The following RTN4RL1 variants were observed in gnomAD, a reference collection of about 807,000 sequenced individuals.
RTN4RL1 encodes reticulon-4 receptor-like 1.
Under a neutral mutation model 25.6 loss-of-function variants are expected in RTN4RL1, and 7 were observed. The observed-to-expected ratio is 0.27, with a 90% confidence interval of 0.16 to 0.51. The LOEUF (loss-of-function observed/expected upper bound fraction) is 0.51, where lower values mean the gene tolerates loss of function less well. RTN4RL1 is among the 20% of genes least tolerant of loss of function. The pLI is 0.97. For synonymous variants in RTN4RL1, 297 were observed against 288.2 expected (o/e 1.03, Z -0.31); for missense variants, 500 against 615.6 (o/e 0.81, Z 1.99).
At chr17:1,991,890 G>A (rs531027448) in intron 1 of RTN4RL1, among the ~76,000 whole-genome samples, 2 of 152,260 alleles carry the variant, frequency 1.3e-5, no homozygotes, top group African/African-American at 2.4e-5. Flanking sequence ...CCTGGAAGTG[G>A]AATTGCTCTA....
chr17:1,946,943 T>C (rs542986371), intron 1 of RTN4RL1, among the ~76,000 whole-genome samples: 5 of 151,338 alleles, frequency 3.3e-5, no homozygotes, highest in African/African-American at 9.7e-5. Flanking sequence ...TGTGAATGTG[T>C]GTGTGCACGG....
In RTN4RL1 at chr17:1,936,072, G is replaced by A. The variant is rs1915296612; in HGVS notation, c.*424C>T. ...CTGCTGGCCACCCAGCCTCGTGGGT[G>A]AGCCTCATTTGTTCTTCTCTGCGTC... is the stretch of plus-strand genomic sequence containing the variant. On this transcript the variant is annotated 3_prime_UTR_variant, in exon 2 of 2. Coordinates refer to ENST00000331238, the MANE Select transcript of RTN4RL1 (RefSeq NM_178568.4). The A allele has an allele frequency of 7.0e-6, 7 of 999,392 alleles. No homozygotes were observed. The highest frequency in any genetic ancestry group is 8.3e-6 in the Non-Finnish European group (7 of 839,096). The allele number at this position is 999,392 out of a possible 1,614,324, so 61.9% of individuals were successfully genotyped here.
intron 1 of RTN4RL1, among the ~76,000 whole-genome samples, chr17:1,959,668 G>A (rs1915858475): frequency 6.6e-6 from 1 of 152,098 alleles, no homozygotes; most frequent in African/African-American, 2.4e-5. Context: ...ATGTTCAAAC[G>A]ATTCTCACAC....
chr17:1,966,364 T>C (rs901052311), intron 1 of RTN4RL1, among the ~76,000 whole-genome samples: 29 of 152,058 alleles, frequency 1.9e-4, no homozygotes, highest in Admixed American at 1.4e-3. Flanking sequence ...CTGGAACTAA[T>C]AGAACTCAGC....
At chr17:1,951,057 A>G (rs2151307282) in intron 1 of RTN4RL1, among the ~76,000 whole-genome samples, 1 of 151,950 alleles carries the variant, frequency 6.6e-6, no homozygotes, top group South Asian at 2.1e-4. Context: ...CGAGGTCAGG[A>G]GATCGAGACC....
chr17:2,010,858 A>C (rs2151326006), intron 1 of RTN4RL1, among the ~76,000 whole-genome samples: 1 of 152,296 alleles, frequency 6.6e-6, no homozygotes, highest in South Asian at 2.1e-4. Context: ...AAGTGTTGGG[A>C]TCACAGGTGT....
chr17:1,965,077 G>A (rs2066784433), intron 1 of RTN4RL1, among the ~76,000 whole-genome samples: 1 of 149,422 alleles, frequency 6.7e-6, no homozygotes, highest in Non-Finnish European at 1.5e-5. Flanking sequence ...GTGAGCCACC[G>A]CGCCTGGCTT....
intron 1 of RTN4RL1, among the ~76,000 whole-genome samples, chr17:1,980,928 A>AAAAAAAAAAAAAG (rs2066864677): frequency 8.3e-6 from 1 of 120,058 alleles, no homozygotes; most frequent in South Asian, 2.3e-4. Flanking sequence ...TTCTATCTCA[A>AAAAAAAAAAAAAG]AAAAAAAAAA....
At chr17:1,943,219 C>T (rs1307068062) in intron 1 of RTN4RL1, among the ~76,000 whole-genome samples, 2 of 152,270 alleles carry the variant, frequency 1.3e-5, no homozygotes, top group Non-Finnish European at 2.9e-5. Flanking sequence ...AAGGCACCGG[C>T]CACGGCACAT....
intron 1 of RTN4RL1, among the ~76,000 whole-genome samples, chr17:1,939,083 T>C (rs1331422184): frequency 3.3e-5 from 5 of 151,174 alleles, no homozygotes; most frequent in East Asian, 3.9e-4. Flanking sequence ...CCGGGAGCAG[T>C]GGCTCACACC....
rs1438112610 is a variant in RTN4RL1, at chr17:1,936,350, A to G, written c.*146T>C. On this transcript the variant is annotated 3_prime_UTR_variant, in exon 2 of 2. Coordinates refer to ENST00000331238, the MANE Select transcript of RTN4RL1 (RefSeq NM_178568.4). ...ACTTTGGGTTTATAATCCACATGGC[A>G]GGGTCCAGACGTCCAGACAGCAGCC... 1.4e-6 allele frequency: 2 copies of G among 1,429,614 alleles called. No individual in the cohort carries two copies. Among genetic ancestry groups the G allele is most frequent in the Non-Finnish European group, 9.1e-7 (1 of 1,098,034 alleles). The allele number at this position is 1,429,614 out of a possible 1,614,324, so 88.6% of individuals were successfully genotyped here.
intron 1 of RTN4RL1, among the ~76,000 whole-genome samples, chr17:1,973,494 G>A (rs2066829361): frequency 6.6e-6 from 1 of 150,734 alleles, no homozygotes; most frequent in South Asian, 2.1e-4. Context: ...CTCCAGCGTG[G>A]GCAACAGAAC....
Position 1,935,829 on chromosome 17 carries a change from G to A in RTN4RL1, c.*667C>T, listed in dbSNP as rs1915291605. The A allele has an allele frequency of 2.0e-6, 2 of 983,684 alleles. No homozygotes were observed. Among genetic ancestry groups the A allele is most frequent in the Non-Finnish European group, 2.4e-6 (2 of 829,366 alleles). The allele number at this position is 983,684 out of a possible 1,614,324, so 60.9% of individuals were successfully genotyped here. ...CTTCTGTGAGAACCTCATTGCCCGG[G>A]ATGAAGTTCTAGATTTCAGCCTCTG... is the stretch of plus-strand genomic sequence containing the variant. On this transcript the variant is annotated 3_prime_UTR_variant, in exon 2 of 2. Transcript: ENST00000331238.
chr17:1,957,566 T>C (rs1244686140), intron 1 of RTN4RL1, among the ~76,000 whole-genome samples: 1 of 151,958 alleles, frequency 6.6e-6, no homozygotes, highest in Non-Finnish European at 1.5e-5. Context: ...CAGGGCCGGG[T>C]GCAGTGGCTC....
intron 1 of RTN4RL1, among the ~76,000 whole-genome samples, chr17:1,967,300 T>G (rs1187969029): frequency 6.6e-6 from 1 of 152,208 alleles, no homozygotes; most frequent in Admixed American, 6.5e-5. Flanking sequence ...CAGCTCCACC[T>G]GCAGCATGGA....
At chr17:1,988,460 T>C (rs2066896170) in intron 1 of RTN4RL1, among the ~76,000 whole-genome samples, 1 of 147,320 alleles carries the variant, frequency 6.8e-6, no homozygotes, top group South Asian at 2.1e-4. Context: ...TTCAGTATTT[T>C]GTATTTACTG....
chr17:1,954,635 G>A (rs1335621428), intron 1 of RTN4RL1, among the ~76,000 whole-genome samples: 2 of 152,064 alleles, frequency 1.3e-5, no homozygotes, highest in Admixed American at 6.6e-5. Context: ...TGATCCACCC[G>A]CCTCGGCCTC....
chr17:1,955,113 C>T (rs1428052938), intron 1 of RTN4RL1, among the ~76,000 whole-genome samples: 1 of 152,154 alleles, frequency 6.6e-6, no homozygotes, highest in East Asian at 1.9e-4. Flanking sequence ...TACCTCTCAC[C>T]AGCCACGAGC....
intron 1 of RTN4RL1, among the ~76,000 whole-genome samples, chr17:1,956,429 TG>T (rs1915794783): frequency 3.3e-5 from 1 of 30,368 alleles, no homozygotes; most frequent in Admixed American, 3.5e-4. Context: ...AGGACTCAAG[TG>T]GGGGCCTGGT....
Sources: gnomAD v4.1 joint callset for allele counts (sites outside exome capture counted in the v4.1 genomes callset) on GRCh38, gnomAD v4.1.1 for gene constraint, MANE v1.5 for transcripts, NCBI Gene and HGNC (gene_info 2026-07-23, HGNC 2026-07-21) for gene names.